Variants in GNG12 observed in about 807,000 individuals in gnomAD.
The protein encoded by GNG12 is guanine nucleotide-binding protein G(I)/G(S)/G(O) subunit gamma-12.
For missense variants in GNG12, 69 were observed against 83.8 expected (o/e 0.82, Z 0.69); for synonymous variants, 28 against 29.7 (o/e 0.94, Z 0.19).
chr1:67,787,197 T>C (rs374894129), intron 1 of GNG12, among the ~76,000 whole-genome samples: 3 of 151,924 alleles, frequency 2.0e-5, no homozygotes, highest in African/African-American at 4.8e-5. Context: ...GGGACACTTA[T>C]GCCAGTCTGG....
intron 1 of GNG12, among the ~76,000 whole-genome samples, chr1:67,831,914 G>A (rs908510675): frequency 6.6e-6 from 1 of 152,176 alleles, no homozygotes; most frequent in Non-Finnish European, 1.5e-5. Context: ...GCCATCCTGC[G>A]ATAATTTACT....
intron 1 of GNG12, among the ~76,000 whole-genome samples, chr1:67,829,086 G>A (rs556639330): frequency 1.6e-4 from 25 of 152,148 alleles, no homozygotes; most frequent in African/African-American, 5.3e-4. Flanking sequence ...ATATATAGGC[G>A]CATTGTGGAA....
chr1:67,806,104 T>A (rs963416488), intron 1 of GNG12, among the ~76,000 whole-genome samples: 2 of 151,798 alleles, frequency 1.3e-5, no homozygotes, highest in Non-Finnish European at 2.9e-5. Context: ...ACTGAGGGAA[T>A]CTGGTGCCAG....
intron 1 of GNG12, among the ~76,000 whole-genome samples, chr1:67,797,221 T>A (rs549758529): frequency 6.6e-6 from 1 of 152,306 alleles, no homozygotes; most frequent in Admixed American, 6.5e-5. Flanking sequence ...GATTATACCA[T>A]CATGAGTTAA....
chr1:67,752,327 T>G (rs542405151), intron 2 of GNG12, among the ~76,000 whole-genome samples: 1 of 152,344 alleles, frequency 6.6e-6, no homozygotes, highest in African/African-American at 2.4e-5. Flanking sequence ...TGTCCAGAAG[T>G]AGCAAGTATA....
chr1:67,766,439 A>G (rs902240737), intron 2 of GNG12, among the ~76,000 whole-genome samples: 1 of 152,186 alleles, frequency 6.6e-6, no homozygotes, highest in Non-Finnish European at 1.5e-5. Flanking sequence ...TGAGCAAAGC[A>G]GCCCAGCCCT....
chr1:67,761,132 G>A (rs931639653), intron 2 of GNG12, among the ~76,000 whole-genome samples: 6 of 152,164 alleles, frequency 3.9e-5, no homozygotes, highest in Non-Finnish European at 7.4e-5. Context: ...GGGTAAAGCT[G>A]GGATTAGACC....
At chr1:67,782,321 A>G (rs1232342327) in intron 1 of GNG12, among the ~76,000 whole-genome samples, 1 of 152,200 alleles carries the variant, frequency 6.6e-6, no homozygotes, top group African/African-American at 2.4e-5. Context: ...TTCATTCTTG[A>G]GCTCCAAAGG....
intron 2 of GNG12, among the ~76,000 whole-genome samples, chr1:67,768,965 C>T (rs879545138): frequency 4.6e-5 from 7 of 152,130 alleles, no homozygotes; most frequent in Admixed American, 2.0e-4. Context: ...TCTCTAATAT[C>T]ACCTCATATG....
At chr1:67,725,266 G>A (rs1189755194) in intron 2 of GNG12, among the ~76,000 whole-genome samples, 1 of 152,172 alleles carries the variant, frequency 6.6e-6, no homozygotes, top group Non-Finnish European at 1.5e-5. Flanking sequence ...GCCAAAAAAT[G>A]CAAAATAGGA....
At chr1:67,797,445 C>G (rs1471767382) in intron 1 of GNG12, among the ~76,000 whole-genome samples, 3 of 152,174 alleles carry the variant, frequency 2.0e-5, no homozygotes, top group Admixed American at 1.3e-4. Context: ...AGTCCCATGG[C>G]TTGTTGAACA....
chr1:67,768,102 G>A (rs920640002), intron 2 of GNG12, among the ~76,000 whole-genome samples: 5 of 152,194 alleles, frequency 3.3e-5, no homozygotes, highest in South Asian at 2.1e-4. Flanking sequence ...TTTGTAAAAC[G>A]GAATGTGCTG....
At chr1:67,761,542 G>A (rs919010294) in intron 2 of GNG12, among the ~76,000 whole-genome samples, 1 of 152,138 alleles carries the variant, frequency 6.6e-6, no homozygotes, top group East Asian at 1.9e-4. Context: ...GGGAAACAGG[G>A]GGCATCTTGT....
At chr1:67,786,341 T>C (rs1359227906) in intron 1 of GNG12, among the ~76,000 whole-genome samples, 1 of 152,184 alleles carries the variant, frequency 6.6e-6, no homozygotes, top group East Asian at 1.9e-4. Context: ...TTCCATAACA[T>C]GCCCAGTGCC....
chr1:67,745,520 G>A (rs761025431), intron 2 of GNG12, among the ~76,000 whole-genome samples: 1 of 152,146 alleles, frequency 6.6e-6, no homozygotes, highest in Non-Finnish European at 1.5e-5. Context: ...TCCCACATAC[G>A]AATTTTATAA....
intron 1 of GNG12, among the ~76,000 whole-genome samples, chr1:67,818,016 G>A (rs1342850886): frequency 6.6e-6 from 1 of 151,924 alleles, no homozygotes; most frequent in Non-Finnish European, 1.5e-5. Context: ...CAAACTCCTG[G>A]GCTCAAGCAA....
chr1:67,744,239 T>C (rs1646496863), intron 2 of GNG12, among the ~76,000 whole-genome samples: 1 of 152,324 alleles, frequency 6.6e-6, no homozygotes, highest in Admixed American at 6.5e-5. Context: ...TAGCAAGTCA[T>C]AGAGCTGGGA....
At chr1:67,783,048 G>C (rs545517574) in intron 1 of GNG12, among the ~76,000 whole-genome samples, 5 of 152,164 alleles carry the variant, frequency 3.3e-5, no homozygotes, top group Admixed American at 2.0e-4. Context: ...GTGTAAAATA[G>C]GGCTAATATT....
chr1:67,786,924 CTTATAT>C (rs1417674456), intron 1 of GNG12, among the ~76,000 whole-genome samples: 8 of 89,396 alleles, frequency 8.9e-5, no homozygotes, highest in African/African-American at 3.8e-4. Flanking sequence ...GTAACAGAGA[CTTATAT>C]ATATATGTGT....
Sources: allele counts gnomAD v4.1 joint callset (sites outside exome capture counted in the v4.1 genomes callset), GRCh38; gene constraint gnomAD v4.1.1; transcripts MANE v1.5; gene names NCBI Gene and HGNC (gene_info 2026-07-23, HGNC 2026-07-21).